Variants in SYCP1 observed in about 807,000 individuals in gnomAD.
SYCP1 encodes the protein synaptonemal complex protein 1, also known as cancer/testis antigen 8.
SYCP1 carries 64 observed loss-of-function variants against 153.1 expected under a neutral mutation model. The observed-to-expected ratio is 0.42, with a 90% CI of 0.34 to 0.51. SYCP1 has a LOEUF of 0.51. Among genes scored for constraint, SYCP1 ranks in the 20% least tolerant of loss-of-function variants. The pLI is 0.06. For missense variants in SYCP1, 997 were observed against 1,049.0 expected (o/e 0.95, Z 0.68); for synonymous variants, 384 against 341.8 (o/e 1.12, Z -1.36).
chr1:114,942,232 G>A (rs1307324047), intron 23 of SYCP1, among the ~76,000 whole-genome samples: 1 of 151,980 alleles, frequency 6.6e-6, no homozygotes, highest in Non-Finnish European at 1.5e-5. Context: ...TCAGAAAACA[G>A]TGAGAAAGTA....
chr1:114,960,249 C>G (rs1391180698), intron 27 of SYCP1, among the ~76,000 whole-genome samples: 5 of 144,462 alleles, frequency 3.5e-5, no homozygotes, highest in African/African-American at 1.3e-4. Flanking sequence ...CTCACTGCAA[C>G]CTCCACCTCC....
intron 27 of SYCP1, among the ~76,000 whole-genome samples, chr1:114,952,699 A>G (rs1671187617): frequency 2.0e-5 from 3 of 152,176 alleles, no homozygotes; most frequent in Admixed American, 6.5e-5. Flanking sequence ...ATTACTTCCC[A>G]CTGGGTACTC....
intron 16 of SYCP1, among the ~76,000 whole-genome samples, chr1:114,899,797 A>G (rs142434814): frequency 9.6e-4 from 147 of 152,338 alleles, no homozygotes; most frequent in African/African-American, 3.3e-3. Flanking sequence ...TGGCAATCCT[A>G]TGTAAGTAAA....
At chr1:114,985,866 C>T (rs1173152153) in intron 30 of SYCP1, among the ~76,000 whole-genome samples, 2 of 148,752 alleles carry the variant, frequency 1.3e-5, no homozygotes, top group Non-Finnish European at 3.0e-5. Context: ...TCTGTATTCA[C>T]AGGTTCTACA....
In SYCP1 at chr1:114,895,523, T is replaced by G; in HGVS notation, c.1320+14T>G. 7.3e-7 allele frequency: 1 copy of G among 1,374,100 alleles called. No individual in the cohort carries two copies. The highest frequency in any genetic ancestry group is 1.0e-6 in the Non-Finnish European group (1 of 1,004,064). 85.1% of individuals were successfully genotyped at this position (1,374,100 alleles called of 1,614,324 possible). On this transcript the variant is annotated intron_variant, in intron 16 of 31. Coordinates refer to ENST00000369522, the MANE Select transcript of SYCP1 (RefSeq NM_003176.4). ...AAAAAAGTCTTGGTAAGTATAGTCT[T>G]TCCTATTAATATATAGCAATTACTT...
At chr1:114,979,353 C>G (rs2101941242) in intron 28 of SYCP1, among the ~76,000 whole-genome samples, 1 of 151,748 alleles carries the variant, frequency 6.6e-6, no homozygotes, top group Admixed American at 6.6e-5. Flanking sequence ...TGGGACATAG[C>G]ACATGCCTTA....
Position 114,857,452 on chromosome 1 carries a change from T to G in SYCP1, c.246T>G (p.Asn82Lys). The change falls in exon 5 of 32, where the codon AAT (asparagine) becomes AAG (lysine). Residue 82 changes from asparagine (N) to lysine (K), a missense_variant. Transcript: ENST00000369522. Reference sequence around the variant, plus strand: ...AACATCTATCTTTTTAGGTTGGTAATTCTGACTGTCACTATCAGGAAGGAC... The same window carrying G: ...AACATCTATCTTTTTAGGTTGGTAAGTCTGACTGTCACTATCAGGAAGGAC... ...NFLPVLEQVG[N>K]SDCHYQEGLK... 1 of 1,600,080 alleles carries G rather than the reference T, an allele frequency of 6.2e-7. No individual in the cohort carries two copies.
rs369554736 is a variant in SYCP1, at chr1:114,988,098, AAAAAG to A, written c.2703+3246_2703+3250del. Among the ~76,000 whole-genome samples, 695 of 142,024 alleles carry A rather than the reference AAAAAG, an allele frequency of 4.9e-3. 7 individuals carry two copies. The highest frequency in any genetic ancestry group is 0.017 in the African/African-American group (630 of 37,250). The allele number at this position is 142,024 out of a possible 152,430, so 93.2% of individuals were successfully genotyped here. ...TAAACGGCAAAAAAAAAAAAAAAAGAAAAAGAAAAGAAAAGAAAAGTGAACAGAGC... is the reference window on the plus strand; with the variant it reads ...TAAACGGCAAAAAAAAAAAAAAAAGAAAAAGAAAAGAAAAGTGAACAGAGC... On this transcript the variant is annotated intron_variant, in intron 30 of 31. Transcript: ENST00000369522.
chr1:114,856,748 ATAAGTATAATTGACACAAAAG>A, intron 3 of SYCP1, 91 bp downstream of exon 3: 4 of 966,892 alleles, frequency 4.1e-6, no homozygotes, highest in Non-Finnish European at 6.1e-6. Flanking sequence ...TAAGTATTAT[ATAAGTATAATTGACACAAAAG>A]CTAGATATAA....
At chr1:114,927,205 T>TAAGTC (rs145913348) in intron 23 of SYCP1, among the ~76,000 whole-genome samples, 74,632 of 151,230 alleles carry the variant, frequency 0.49, 19,657 homozygotes, top group Middle Eastern at 0.6. Context: ...GATTAAAAAT[T>TAAGTC]AAGTAAGGAT....
At chr1:114,855,868 A>T (rs1036661210) in intron 2 of SYCP1, among the ~76,000 whole-genome samples, 3 of 152,150 alleles carry the variant, frequency 2.0e-5, no homozygotes, top group African/African-American at 7.2e-5. Context: ...ATACTACGAG[A>T]TAGTAGAATA....
chr1:114,944,586 A>T (rs1377490857), intron 24 of SYCP1, 131 bp downstream of exon 24: 3 of 636,452 alleles, frequency 4.7e-6, no homozygotes, highest in Non-Finnish European at 8.1e-6. Flanking sequence ...AAATTTATAT[A>T]AGGGTCAGTT....
At chr1:114,884,788 T>A (rs956277989) in intron 12 of SYCP1, among the ~76,000 whole-genome samples, 23 of 152,186 alleles carry the variant, frequency 1.5e-4, no homozygotes, top group Admixed American at 1.0e-3. Flanking sequence ...TCAGACTGGT[T>A]AAGTATCATG....
intron 23 of SYCP1, among the ~76,000 whole-genome samples, chr1:114,943,000 G>A (rs1670481377): frequency 6.6e-6 from 1 of 151,638 alleles, no homozygotes; most frequent in Non-Finnish European, 1.5e-5. Context: ...GAACAGAGAT[G>A]GTCACAGAAC....
rs192556660 is a variant in SYCP1, at chr1:114,909,022, C to T, written c.1321-1375C>T. ...CTAGATTCAAAAATAAACTTTATCT[C>T]ACCTTCTATAAATGGTGCTTCAAAT... is the stretch of plus-strand genomic sequence containing the variant. On this transcript the variant is annotated intron_variant, in intron 16 of 31. Coordinates refer to ENST00000369522, the MANE Select transcript of SYCP1 (RefSeq NM_003176.4). Among the ~76,000 whole-genome samples the T allele has an allele frequency of 1.4e-4, 22 of 152,266 alleles. 1 individual carries two copies. Among genetic ancestry groups the T allele is most frequent in the Admixed American group, 1.1e-3 (17 of 15,296 alleles).
chr1:114,949,489 T>G (rs1305947689), intron 27 of SYCP1, among the ~76,000 whole-genome samples: 1 of 152,208 alleles, frequency 6.6e-6, no homozygotes, highest in Admixed American at 6.5e-5. Context: ...AGTTAAGAAT[T>G]CAGCCTAGTC....
chr1:114,907,833 G>A (rs886705254), intron 16 of SYCP1, among the ~76,000 whole-genome samples: 6 of 151,858 alleles, frequency 4.0e-5, no homozygotes, highest in East Asian at 1.9e-4. Flanking sequence ...CACCCGCCTC[G>A]GCCTCCCTAT....
At chr1:114,962,145 G>A (rs545160841) in intron 27 of SYCP1, among the ~76,000 whole-genome samples, 1 of 151,968 alleles carries the variant, frequency 6.6e-6, no homozygotes, top group African/African-American at 2.4e-5. Flanking sequence ...ACAACACCCA[G>A]CTAATTTTTG....
At chr1:114,977,683 T>A in intron 28 of SYCP1, 67 bp downstream of exon 28, 3 of 1,036,142 alleles carry the variant, frequency 2.9e-6, no homozygotes, top group Non-Finnish European at 4.1e-6. Flanking sequence ...TTAGAAATGA[T>A]TTTTTGTTTA....
Sources: allele counts gnomAD v4.1 joint callset (sites outside exome capture counted in the v4.1 genomes callset), GRCh38; gene constraint gnomAD v4.1.1; transcripts MANE v1.5; gene names NCBI Gene and HGNC (gene_info 2026-07-23, HGNC 2026-07-21).